Variants in FGF13 observed in about 807,000 individuals in gnomAD.
FGF13 encodes fibroblast growth factor 13, also known as fibroblast growth factor homologous factor 2.
FGF13 carries 2 observed loss-of-function variants against 19.5 expected under a neutral mutation model. That is an observed-to-expected ratio of 0.10 (90% CI 0.04 to 0.32). The LOEUF (loss-of-function observed/expected upper bound fraction) is 0.32. Ranked by LOEUF, FGF13 falls within the 10% of genes least tolerant of loss-of-function variation. The probability of loss-of-function intolerance (pLI) is 1.00; values close to 1 mark genes in which losing one functional copy is unlikely to be tolerated. For missense variants in FGF13, 113 were observed against 192.7 expected (o/e 0.59, Z 2.45); for synonymous variants, 72 against 76.9 (o/e 0.94, Z 0.33).
At chrX:138,689,123 T>G (rs1421255522) in intron 3 of FGF13, among the ~76,000 whole-genome samples, 1 of 111,646 alleles carries the variant, frequency 9.0e-6, no homozygotes, top group African/African-American at 3.3e-5. Context: ...CTAAAAACCT[T>G]GTGGAAGAAA....
chrX:138,919,125 T>G (rs1179636235), intron 1 of FGF13, among the ~76,000 whole-genome samples: 3 of 111,951 alleles, frequency 2.7e-5, no homozygotes, highest in African/African-American at 9.7e-5. Context: ...TAAACATTGC[T>G]ACATTAAAAT....
chrX:138,703,698 G>C (rs1010053341), intron 2 of FGF13, among the ~76,000 whole-genome samples: 4 of 112,048 alleles, frequency 3.6e-5, no homozygotes, highest in Non-Finnish European at 7.5e-5. Flanking sequence ...GTAGTCCTAT[G>C]TTTCCAGAGT....
At chrX:139,075,956 C>T (rs2083330080) in intron 1 of FGF13, among the ~76,000 whole-genome samples, 2 of 13,494 alleles carry the variant, frequency 1.5e-4, no homozygotes, top group South Asian at 2.3e-3. Context: ...CATTCTCCTG[C>T]CTCAGCCTCC....
At chrX:138,825,072 T>G (rs2091025263) in intron 3 of FGF13, among the ~76,000 whole-genome samples, 1 of 111,965 alleles carries the variant, frequency 8.9e-6, no homozygotes, top group Non-Finnish European at 1.9e-5. Context: ...TTTGGGCTGT[T>G]ATTACACTGA....
At chrX:138,641,188 G>A (rs2089247898) in intron 3 of FGF13, among the ~76,000 whole-genome samples, 1 of 112,420 alleles carries the variant, frequency 8.9e-6, no homozygotes, top group African/African-American at 3.2e-5. Flanking sequence ...AACACAGAAA[G>A]AAAAACAGTT....
intron 1 of FGF13, among the ~76,000 whole-genome samples, chrX:139,036,347 G>GA (rs768875036): frequency 9.0e-6 from 1 of 111,267 alleles, no homozygotes; most frequent in East Asian, 2.9e-4. Context: ...GGAGTTTACT[G>GA]AAAATCACCC....
chrX:138,710,809 T>C lies in FGF13; in HGVS notation c.187+8A>G. ...TATGGGGAAAAGAAAGCAAAAGCCC[T>C]TTCCGACCTGGTCTTCTTCTGCGCC... is the stretch of plus-strand genomic sequence containing the variant. On this transcript the variant is annotated splice_region_variant and intron_variant, in intron 1 of 4. Coordinates refer to ENST00000315930, the MANE Select transcript of FGF13 (RefSeq NM_004114.5). 8.3e-7 allele frequency: 1 copy of C among 1,211,465 alleles called. No individual in the cohort carries two copies. The highest frequency in any genetic ancestry group is 1.1e-6 in the Non-Finnish European group (1 of 895,150).
intron 3 of FGF13, among the ~76,000 whole-genome samples, chrX:138,777,443 G>A (rs142446718): frequency 1.9e-3 from 209 of 111,709 alleles, no homozygotes; most frequent in African/African-American, 6.5e-3. Flanking sequence ...ACCACAAGAG[G>A]GTGCCCTGTA....
intron 1 of FGF13, among the ~76,000 whole-genome samples, chrX:138,878,854 G>A (rs1310191238): frequency 8.9e-6 from 1 of 111,888 alleles, no homozygotes; most frequent in Non-Finnish European, 1.9e-5. Flanking sequence ...TAACTGGTGT[G>A]CGATGGTATC....
intron 3 of FGF13, among the ~76,000 whole-genome samples, chrX:138,747,474 GC>G (rs1569382264): frequency 8.9e-6 from 1 of 112,054 alleles, no homozygotes; most frequent in Non-Finnish European, 1.9e-5. Flanking sequence ...TATTTGGCTT[GC>G]TAAAGGTTCA....
intron 1 of FGF13, among the ~76,000 whole-genome samples, chrX:139,044,656 TA>T (rs764351374): frequency 2.7e-5 from 3 of 110,079 alleles, no homozygotes; most frequent in Middle Eastern, 4.6e-3. Flanking sequence ...ATTCCAGCAT[TA>T]AAAAAAAGGG....
intron 1 of FGF13, among the ~76,000 whole-genome samples, chrX:139,055,788 A>G (rs1396777688): frequency 1.8e-5 from 2 of 112,266 alleles, no homozygotes; most frequent in Non-Finnish European, 1.9e-5. Context: ...TTTTCCACCA[A>G]TCTTCAAGAT....
chrX:138,996,247 C>A (rs1248192754), intron 1 of FGF13, among the ~76,000 whole-genome samples: 1 of 112,497 alleles, frequency 8.9e-6, no homozygotes, highest in Non-Finnish European at 1.9e-5. Context: ...CCGGGAAGTG[C>A]AAGCAGTTGG....
rs1014361793 is a variant in FGF13, at chrX:138,627,103, CT to C, written c.*5746del. 1 of 111,713 alleles carries C rather than the reference CT, an allele frequency of 9.0e-6. No individual in the cohort carries two copies. The highest frequency in any genetic ancestry group is 9.6e-5 in the Admixed American group (1 of 10,469). The allele number at this position is 111,713 out of a possible 1,213,427, so 9.2% of individuals were successfully genotyped here. A position where few individuals can be genotyped will look rare whatever the true frequency, so the allele number is the denominator to read the frequency against. On this transcript the variant is annotated 3_prime_UTR_variant, in exon 5 of 5. Coordinates refer to ENST00000315930, the MANE Select transcript of FGF13 (RefSeq NM_004114.5). ...ATCGCAGTAAGGAAAGAAAAATTCTCTGTTACTAAACCCCAGAATATCTTTT... is the reference window on the plus strand; with the variant it reads ...ATCGCAGTAAGGAAAGAAAAATTCTCGTTACTAAACCCCAGAATATCTTTT...
At chrX:138,809,178 T>C (rs2090899646) in intron 3 of FGF13, among the ~76,000 whole-genome samples, 2 of 111,817 alleles carry the variant, frequency 1.8e-5, no homozygotes, top group South Asian at 7.4e-4. Flanking sequence ...CTGATGAACA[T>C]TGATGCAAAA....
intron 1 of FGF13, among the ~76,000 whole-genome samples, chrX:139,069,551 C>T (rs1405842065): frequency 2.0e-5 from 2 of 101,439 alleles, no homozygotes; most frequent in Non-Finnish European, 4.0e-5. Flanking sequence ...CAGCATGGCA[C>T]ATGTATACAT....
At chrX:139,080,889 CAA>C (rs1353347364) in intron 1 of FGF13, among the ~76,000 whole-genome samples, 2 of 111,242 alleles carry the variant, frequency 1.8e-5, no homozygotes, top group African/African-American at 3.3e-5. Flanking sequence ...CTTAATTATT[CAA>C]AGACTTTGCC....
intron 3 of FGF13, among the ~76,000 whole-genome samples, chrX:138,831,801 G>A (rs181253446): frequency 1.6e-3 from 174 of 111,094 alleles, no homozygotes; most frequent in African/African-American, 5.5e-3. Context: ...GTACCCATTA[G>A]TTATTTTTGC....
At chrX:138,972,650 C>T (rs1239138624) in intron 1 of FGF13, among the ~76,000 whole-genome samples, 1 of 111,243 alleles carries the variant, frequency 9.0e-6, no homozygotes, top group Non-Finnish European at 1.9e-5. Context: ...AGCCACCGTG[C>T]CGGGCCCTCA....
Sources: allele counts gnomAD v4.1 joint callset (sites outside exome capture counted in the v4.1 genomes callset), GRCh38; gene constraint gnomAD v4.1.1; transcripts MANE v1.5; gene names NCBI Gene and HGNC (gene_info 2026-07-23, HGNC 2026-07-21).